Variants in IGF1R observed in about 807,000 individuals in gnomAD.
IGF1R encodes insulin like growth factor 1 receptor.
Under a neutral mutation model 144.6 loss-of-function variants are expected in IGF1R, and 44 were observed. The ratio of observed to expected loss-of-function variants is 0.30; its 90% CI spans 0.24 to 0.39. The LOEUF is 0.39. Among genes scored for constraint, IGF1R ranks in the 10% least tolerant of loss-of-function variants. IGF1R has a pLI of 1.00. For synonymous variants in IGF1R, 795 were observed against 722.8 expected, an observed-to-expected ratio of 1.10 and a Z score of -1.60; for missense variants, 1,355 against 1,833.7, an observed-to-expected ratio of 0.74 and a Z score of 4.77.
At chr15:98,824,686 C>G (rs1200547952) in intron 2 of IGF1R, among the ~76,000 whole-genome samples, 1 of 152,180 alleles carries the variant, frequency 6.6e-6, no homozygotes, top group Non-Finnish European at 1.5e-5. Flanking sequence ...CCCACTTGCT[C>G]GGCATTCTTT....
intron 1 of IGF1R, among the ~76,000 whole-genome samples, chr15:98,651,732 T>C (rs1031775555): frequency 3.9e-5 from 6 of 152,172 alleles, no homozygotes; most frequent in Non-Finnish European, 8.8e-5. Flanking sequence ...ATGTATGTTT[T>C]TACTCCATGA....
intron 2 of IGF1R, among the ~76,000 whole-genome samples, chr15:98,748,679 T>G (rs1240886463): frequency 1.3e-5 from 2 of 152,234 alleles, no homozygotes; most frequent in African/African-American, 4.8e-5. Flanking sequence ...TAATATTCAC[T>G]TGTAGAACTC....
chr15:98,763,202 T>G (rs1277294788), intron 2 of IGF1R, among the ~76,000 whole-genome samples: 2 of 152,242 alleles, frequency 1.3e-5, no homozygotes, highest in Non-Finnish European at 2.9e-5. Flanking sequence ...AAATGCCATT[T>G]TGATAAGCTC....
Position 98,926,441 on chromosome 15 carries a change from A to G in IGF1R, c.2782+1757A>G, listed in dbSNP as rs116871223. 5.0e-3 allele frequency among the ~76,000 whole-genome samples: 757 copies of G among 152,326 alleles called. 3 individuals carry two copies. The highest frequency in any genetic ancestry group is 7.7e-3 in the Non-Finnish European group (525 of 68,038). On this transcript the variant is annotated intron_variant, in intron 13 of 20. Transcript: ENST00000650285. The stretch of plus-strand genomic sequence containing the variant: ...ATGTATTCTTAAAAATTGCTGAGAC[A>G]ATAGATTTTAAGTGTTCTCACCACA...
At chr15:98,768,861 G>A (rs1047634773) in intron 2 of IGF1R, among the ~76,000 whole-genome samples, 3 of 151,802 alleles carry the variant, frequency 2.0e-5, no homozygotes, top group Non-Finnish European at 4.4e-5. Context: ...CCAGGAGGCG[G>A]AGGTTGCAGT....
At chr15:98,775,806 G>GT (rs2055699041) in intron 2 of IGF1R, among the ~76,000 whole-genome samples, 2 of 152,218 alleles carry the variant, frequency 1.3e-5, no homozygotes, top group Admixed American at 1.3e-4. Context: ...TCTCGGGCTG[G>GT]TTGGATGATG....
chr15:98,866,724 G>T (rs190988028), intron 2 of IGF1R, among the ~76,000 whole-genome samples: 1 of 152,296 alleles, frequency 6.6e-6, no homozygotes, highest in Admixed American at 6.5e-5. Context: ...GCTGGCGGTC[G>T]TTTCGGCAGC....
At chr15:98,908,130 G>A (rs2014820885) in intron 5 of IGF1R, among the ~76,000 whole-genome samples, 1 of 152,234 alleles carries the variant, frequency 6.6e-6, no homozygotes, top group African/African-American at 2.4e-5. Flanking sequence ...AGGGACTGGA[G>A]CTGGGGCTGC....
At chr15:98,728,007 G>GTTTT (rs10680958) in intron 2 of IGF1R, among the ~76,000 whole-genome samples, 7,133 of 108,642 alleles carry the variant, frequency 0.066, 483 homozygotes, top group East Asian at 0.1. Context: ...AAGATGCATT[G>GTTTT]TTTTTTTTTT....
chr15:98,934,781 G>C, intron 15 of IGF1R, 43 bp from the exon 16 acceptor site: 2 of 1,550,782 alleles, frequency 1.3e-6, no homozygotes, highest in Non-Finnish European at 1.8e-6. Flanking sequence ...TTCTGTCTAA[G>C]GGCTTGTTTC....
At chr15:98,731,080 A>C (rs1019290182) in intron 2 of IGF1R, among the ~76,000 whole-genome samples, 2 of 152,228 alleles carry the variant, frequency 1.3e-5, no homozygotes, top group African/African-American at 4.8e-5. Flanking sequence ...GGTCTGTTCT[A>C]AAAGGCCCTA....
chr15:98,847,611 C>A (rs1018105361), intron 2 of IGF1R, among the ~76,000 whole-genome samples: 1 of 152,108 alleles, frequency 6.6e-6, no homozygotes, highest in Non-Finnish European at 1.5e-5. Context: ...ATGGAAGTTT[C>A]GAGGACTTTT....
chr15:98,933,443 A>G lies in IGF1R; in HGVS notation c.2957-1381A>G, dbSNP rs574808807. 1.1e-4 allele frequency among the ~76,000 whole-genome samples: 17 copies of G among 152,230 alleles called. No individual in the cohort carries two copies. The South Asian group carries it at 3.5e-3, about 32-fold the overall frequency. ...CCAGTAGCCTCAACCTCCTGGGCTC[A>G]GGCGATTCTCCTGCCTCAGCCCCCT... On this transcript the variant is annotated intron_variant, in intron 15 of 20. Coordinates refer to ENST00000650285, the MANE Select transcript of IGF1R (RefSeq NM_000875.5).
At chr15:98,916,261 GTT>G (rs34536372) in intron 9 of IGF1R, 130 bp downstream of exon 9, 5,350 of 547,778 alleles carry the variant, frequency 9.8e-3, no homozygotes, top group Middle Eastern at 0.014. Flanking sequence ...CTATCTTCTG[GTT>G]TTTTTTTTTT....
chr15:98,887,714 A>G (rs1567178634), intron 2 of IGF1R, among the ~76,000 whole-genome samples: 1 of 152,210 alleles, frequency 6.6e-6, no homozygotes, highest in Non-Finnish European at 1.5e-5. Context: ...TTCTGTAACC[A>G]GTTTTACTGA....
chr15:98,869,485 A>G, intron 2 of IGF1R, among the ~76,000 whole-genome samples: 1 of 144,396 alleles, frequency 6.9e-6, no homozygotes, highest in African/African-American at 2.6e-5. Context: ...CCCAGGCTGG[A>G]GTGCAATGGC....
chr15:98,908,361 C>G (rs772159959), intron 5 of IGF1R, among the ~76,000 whole-genome samples: 4 of 152,220 alleles, frequency 2.6e-5, no homozygotes, highest in Non-Finnish European at 5.9e-5. Context: ...GTTGTACATA[C>G]TTGGCTGAGA....
Position 98,963,870 on chromosome 15 carries a change from G to GGA in IGF1R, c.*6429_*6430dup, listed in dbSNP as rs1396684004. ...TGACTCCACTTCCTCTAACTCCAGT[G>GGA]GATTGTTGGCCATGTCTCCCCAACT... On this transcript the variant is annotated 3_prime_UTR_variant, in exon 21 of 21. Transcript: ENST00000650285. 2.1e-5 allele frequency: 5 copies of GGA among 233,052 alleles called. No individual in the cohort carries two copies. Among genetic ancestry groups the GGA allele is most frequent in the Non-Finnish European group, 3.4e-5 (4 of 117,982 alleles). 14.4% of individuals were successfully genotyped at this position (233,052 alleles called of 1,614,324 possible).
At chr15:98,700,210 A>G (rs1467160950) in intron 1 of IGF1R, among the ~76,000 whole-genome samples, 4 of 152,036 alleles carry the variant, frequency 2.6e-5, no homozygotes, top group African/African-American at 9.7e-5. Context: ...GTGTGCTGAG[A>G]CCTTGAAGGG....
Sources: allele counts gnomAD v4.1 joint callset (sites outside exome capture counted in the v4.1 genomes callset), GRCh38; gene constraint gnomAD v4.1.1; transcripts MANE v1.5; gene names NCBI Gene and HGNC (gene_info 2026-07-23, HGNC 2026-07-21).